Variants in CAMTA1 observed in about 807,000 individuals in gnomAD.
The protein encoded by CAMTA1 is calmodulin binding transcription activator 1.
A neutral mutation model predicts 170.9 loss-of-function variants in CAMTA1; 27 were observed. The observed-to-expected ratio is 0.16, with a 90% CI of 0.12 to 0.22. The LOEUF is 0.22. CAMTA1 is among the 10% of genes least tolerant of loss of function. The probability of loss-of-function intolerance (pLI) is 1.00; values close to 1 mark genes in which losing one functional copy is unlikely to be tolerated. For synonymous variants in CAMTA1, 833 were observed against 891.5 expected (o/e 0.93, Z 1.17); for missense variants, 1,619 against 2,217.2 (o/e 0.73, Z 5.42).
chr1:6,826,672 C>G (rs1411411059), intron 3 of CAMTA1, among the ~76,000 whole-genome samples: 1 of 152,106 alleles, frequency 6.6e-6, no homozygotes, highest in African/African-American at 2.4e-5. Context: ...ATGTATTTTT[C>G]CATATTATAT....
intron 5 of CAMTA1, among the ~76,000 whole-genome samples, chr1:7,361,025 G>A (rs1040692965): frequency 6.6e-6 from 1 of 152,224 alleles, no homozygotes; most frequent in Non-Finnish European, 1.5e-5. Context: ...GTGTTAGAGT[G>A]TTGTTCTGGA....
At chr1:6,819,881 T>C (rs1164026849) in intron 1 of CAMTA1, among the ~76,000 whole-genome samples, 1 of 152,232 alleles carries the variant, frequency 6.6e-6, no homozygotes, top group Non-Finnish European at 1.5e-5. Context: ...CTGTTGCTGT[T>C]TGCCAGTTGA....
At chr1:7,152,059 T>C (rs1156234067) in intron 4 of CAMTA1, among the ~76,000 whole-genome samples, 5 of 152,218 alleles carry the variant, frequency 3.3e-5, no homozygotes, top group African/African-American at 1.2e-4. Context: ...ACTGCCCGGT[T>C]GAGGATCACA....
At chr1:7,267,680 G>A (rs1052687018) in intron 5 of CAMTA1, among the ~76,000 whole-genome samples, 5 of 152,216 alleles carry the variant, frequency 3.3e-5, no homozygotes, top group Non-Finnish European at 5.9e-5. Context: ...ACAAATCTGT[G>A]GTAGGCTGAG....
intron 5 of CAMTA1, among the ~76,000 whole-genome samples, chr1:7,281,197 A>C (rs1307653216): frequency 6.6e-6 from 1 of 152,212 alleles, no homozygotes; most frequent in East Asian, 1.9e-4. Flanking sequence ...AGTTTGAAAA[A>C]CACAGACTTG....
chr1:7,426,733 G>C lies in CAMTA1; in HGVS notation c.439-41097G>C, dbSNP rs1347122558. On this transcript the variant is annotated intron_variant, in intron 5 of 22. Coordinates refer to ENST00000303635, the MANE Select transcript of CAMTA1 (RefSeq NM_015215.4). The surrounding 1 kb of genome is among the most constrained non-coding windows in gnomAD (Gnocchi z 4.8). ...GGGCAGGAGAAATCTGAGATTCAGA[G>C]ACGTGGGAGTTCCGAATGAGATCAT... Among the ~76,000 whole-genome samples the C allele has an allele frequency of 6.6e-6, 1 of 152,214 alleles. No homozygotes were observed. The highest frequency in any genetic ancestry group is 1.5e-5 in the Non-Finnish European group (1 of 68,036).
intron 5 of CAMTA1, among the ~76,000 whole-genome samples, chr1:7,266,475 G>A (rs977215178): frequency 3.3e-5 from 5 of 152,240 alleles, no homozygotes; most frequent in Non-Finnish European, 7.3e-5. Context: ...TCCATTTATT[G>A]AAGAAACATA....
At chr1:7,358,377 AGCT>A (rs2085287349) in intron 5 of CAMTA1, among the ~76,000 whole-genome samples, 1 of 152,234 alleles carries the variant, frequency 6.6e-6, no homozygotes, top group Admixed American at 6.5e-5. Flanking sequence ...GAGCATGTCA[AGCT>A]GCTCATAATT....
At chr1:6,827,713 T>C (rs960612352) in intron 3 of CAMTA1, among the ~76,000 whole-genome samples, 2 of 152,212 alleles carry the variant, frequency 1.3e-5, no homozygotes, top group African/African-American at 2.4e-5. Context: ...TTGTTTCTCA[T>C]TGGGGCTTTG....
chr1:7,533,373 C>T (rs2094513463), intron 6 of CAMTA1, among the ~76,000 whole-genome samples: 2 of 152,218 alleles, frequency 1.3e-5, no homozygotes, highest in African/African-American at 4.8e-5. Context: ...AAGAGAGACC[C>T]TCCTGGCACC....
At chr1:6,846,488 A>G (rs1267734533) in intron 3 of CAMTA1, among the ~76,000 whole-genome samples, 1 of 152,252 alleles carries the variant, frequency 6.6e-6, no homozygotes, top group Non-Finnish European at 1.5e-5. Flanking sequence ...TAGTAAGGAA[A>G]TGGATATGAA....
intron 6 of CAMTA1, among the ~76,000 whole-genome samples, chr1:7,567,081 T>C (rs1266302517): frequency 6.6e-6 from 1 of 152,200 alleles, no homozygotes; most frequent in African/African-American, 2.4e-5. Flanking sequence ...CTGAGTGACC[T>C]TGGGGACGGG....
intron 11 of CAMTA1, among the ~76,000 whole-genome samples, chr1:7,719,344 A>G (rs555471129): frequency 1.4e-4 from 21 of 152,194 alleles, no homozygotes; most frequent in Non-Finnish European, 3.1e-4. Context: ...GATGATTGTC[A>G]GTTTGCTTTG....
At chr1:7,244,227 A>G (rs1166188477) in intron 4 of CAMTA1, among the ~76,000 whole-genome samples, 1 of 152,232 alleles carries the variant, frequency 6.6e-6, no homozygotes, top group Non-Finnish European at 1.5e-5. Flanking sequence ...CGATCATTAA[A>G]AAGTCAGGAA....
chr1:7,110,542 G>A (rs1643963163), intron 4 of CAMTA1, among the ~76,000 whole-genome samples: 1 of 152,234 alleles, frequency 6.6e-6, no homozygotes, highest in Non-Finnish European at 1.5e-5. Flanking sequence ...ATTCAGCCCT[G>A]CTACGGGGGA....
intron 5 of CAMTA1, among the ~76,000 whole-genome samples, chr1:7,321,733 C>G (rs577654570): frequency 2.6e-5 from 4 of 152,152 alleles, no homozygotes; most frequent in Non-Finnish European, 4.4e-5. Context: ...AGGAGAGTAC[C>G]TCTTCTCTAT....
intron 3 of CAMTA1, among the ~76,000 whole-genome samples, chr1:7,004,188 A>G (rs1698642975): frequency 1.3e-5 from 2 of 152,236 alleles, no homozygotes. Context: ...AAAATTGTCT[A>G]TTTGAAGAGA....
At chr1:6,811,823 T>C (rs1307091945) in intron 1 of CAMTA1, among the ~76,000 whole-genome samples, 1 of 152,232 alleles carries the variant, frequency 6.6e-6, no homozygotes, top group Non-Finnish European at 1.5e-5. Flanking sequence ...ATTCCGGGGC[T>C]GTGGCTGCCA....
At position 7,502,655 on chromosome 1, in the gene CAMTA1, G is replaced by A. The variant is rs144051072; in HGVS notation, c.510+34754G>A. ...GGGGGCCTCTGGCCTTTGACCCCAA[G>A]GAGAAGCGAAGCCCCAGGGCTCTGG... On this transcript the variant is annotated intron_variant, in intron 6 of 22. Coordinates refer to ENST00000303635, the MANE Select transcript of CAMTA1 (RefSeq NM_015215.4). Among the ~76,000 whole-genome samples the A allele has an allele frequency of 4.4e-3, 668 of 152,302 alleles. 6 individuals carry two copies. The highest frequency in any genetic ancestry group is 0.015 in the African/African-American group (609 of 41,554).
Sources: allele counts gnomAD v4.1 joint callset (sites outside exome capture counted in the v4.1 genomes callset), GRCh38; gene constraint gnomAD v4.1.1; non-coding constraint Gnocchi (gnomAD v3.1); transcripts MANE v1.5; gene names NCBI Gene and HGNC (gene_info 2026-07-23, HGNC 2026-07-21).